The following KIAA0586 variants were observed in gnomAD, a reference collection of about 807,000 sequenced individuals.
KIAA0586 encodes KIAA0586.
A neutral mutation model predicts 169.8 loss-of-function variants in KIAA0586; 144 were observed. The ratio of observed to expected loss-of-function variants is 0.85; its 90% CI spans 0.74 to 0.97. The LOEUF is 0.97. Among genes scored for constraint, KIAA0586 ranks in the 50% least tolerant of loss-of-function variants. KIAA0586 has a pLI of 0.00. For missense variants in KIAA0586, 1,854 were observed against 1,823.0 expected (o/e 1.02, Z -0.31); for synonymous variants, 625 against 612.4 (o/e 1.02, Z -0.30).
intron 29 of KIAA0586, among the ~76,000 whole-genome samples, chr14:58,526,175 C>G (rs2045571417): frequency 6.6e-6 from 1 of 152,224 alleles, no homozygotes; most frequent in African/African-American, 2.4e-5. Flanking sequence ...CTGAAGAGAG[C>G]AGCAAATCTC....
At chr14:58,518,943 C>G (rs2044975079) in intron 29 of KIAA0586, among the ~76,000 whole-genome samples, 1 of 152,190 alleles carries the variant, frequency 6.6e-6, no homozygotes, top group South Asian at 2.1e-4. Context: ...ACCAGCCTGG[C>G]CAACATGGCA....
chr14:58,557,118 T>C, the KIAA0586 span, among the ~76,000 whole-genome samples: 26 of 152,360 alleles, frequency 1.7e-4, no homozygotes, highest in Middle Eastern at 3.4e-3. Flanking sequence ...AATTCTACTG[T>C]TGATGGACAT....
In KIAA0586 at chr14:58,512,600, T is replaced by A; in HGVS notation, c.4402T>A (p.Ser1468Thr). The A allele has an allele frequency of 6.6e-7, 1 of 1,525,492 alleles. No homozygotes were observed. Among genetic ancestry groups the A allele is most frequent in the Non-Finnish European group, 8.8e-7 (1 of 1,142,498 alleles). 94.5% of individuals were successfully genotyped at this position (1,525,492 alleles called of 1,614,324 possible). A position where few individuals can be genotyped will look rare whatever the true frequency, so the allele number is the denominator to read the frequency against. ...SQSYLRVRNKSDIAPSQQQVS... is the reference protein window; with the variant it reads ...SQSYLRVRNKTDIAPSQQQVS... ...AAGTTACCTACGTGTTAGAAATAAATCTGATATTGCACCTTCACAGCAACA... is the reference window on the plus strand; with the variant it reads ...AAGTTACCTACGTGTTAGAAATAAAACTGATATTGCACCTTCACAGCAACA... The change falls in exon 29 of 31, where the codon TCT becomes ACT. Residue 1468 changes from serine to threonine, a missense_variant. Ser to Thr is a moderately conservative substitution (Grantham distance 58). Transcript: ENST00000652326.
Position 58,428,175 on chromosome 14 carries a change from C to A in KIAA0586, c.-90C>A. 1.3e-6 allele frequency: 2 copies of A among 1,505,934 alleles called. No homozygotes were observed. Among genetic ancestry groups the A allele is most frequent in the South Asian group, 1.3e-5 (1 of 76,078 alleles). 93.3% of individuals were successfully genotyped at this position (1,505,934 alleles called of 1,614,324 possible). ...TTCGACATTTTAAAAACAGTTATTGCAAAGAGGTGAAAATTTTGTTCTGAA... is the reference window on the plus strand; with the variant it reads ...TTCGACATTTTAAAAACAGTTATTGAAAAGAGGTGAAAATTTTGTTCTGAA... On this transcript the variant is annotated 5_prime_UTR_variant, in exon 1 of 31. Coordinates refer to ENST00000652326, the MANE Select transcript of KIAA0586 (RefSeq NM_001329943.3).
intron 27 of KIAA0586, among the ~76,000 whole-genome samples, chr14:58,503,084 A>G (rs965359164): frequency 8.6e-5 from 13 of 152,026 alleles, no homozygotes; most frequent in Admixed American, 2.0e-4. Flanking sequence ...GTCTTGGGAA[A>G]CCTAAAATGT....
chr14:58,435,880 T>G (rs1238561828), intron 4 of KIAA0586, among the ~76,000 whole-genome samples: 2 of 152,162 alleles, frequency 1.3e-5, no homozygotes, highest in Non-Finnish European at 2.9e-5. Flanking sequence ...GCTGATTTTT[T>G]GTATTTTTAG....
intron 29 of KIAA0586, among the ~76,000 whole-genome samples, chr14:58,534,661 G>GA (rs201912434): frequency 4.8e-4 from 72 of 149,806 alleles, no homozygotes; most frequent in East Asian, 1.6e-3. Flanking sequence ...AAGGTTTTAG[G>GA]AAAAAAAAAT....
At chr14:58,475,898 G>A (rs1245858067) in intron 19 of KIAA0586, among the ~76,000 whole-genome samples, 1 of 151,982 alleles carries the variant, frequency 6.6e-6, no homozygotes, top group Non-Finnish European at 1.5e-5. Context: ...TCAGGAGTTC[G>A]AGACCAGCCT....
chr14:58,513,270 T>A (rs2044521030), intron 29 of KIAA0586, among the ~76,000 whole-genome samples: 2 of 152,076 alleles, frequency 1.3e-5, no homozygotes, highest in African/African-American at 4.8e-5. Flanking sequence ...ATCTCTTCTG[T>A]TTAAAAACTT....
At chr14:58,556,611 C>T in the KIAA0586 span, among the ~76,000 whole-genome samples, 1 of 152,176 alleles carries the variant, frequency 6.6e-6, no homozygotes. Flanking sequence ...ATTCTGACTT[C>T]TATCACCATC....
At chr14:58,431,976 A>G (rs557749531) in intron 3 of KIAA0586, among the ~76,000 whole-genome samples, 21 of 152,104 alleles carry the variant, frequency 1.4e-4, no homozygotes, top group Non-Finnish European at 2.8e-4. Context: ...TTTTGTAGGA[A>G]TCTTTAGGGT....
intron 29 of KIAA0586, among the ~76,000 whole-genome samples, chr14:58,529,679 A>G (rs1444335497): frequency 2.6e-5 from 4 of 152,192 alleles, no homozygotes; most frequent in Admixed American, 6.5e-5. Flanking sequence ...GAAACTCTCA[A>G]TAAACTATCT....
intron 22 of KIAA0586, among the ~76,000 whole-genome samples, 179 bp from the exon 23 acceptor site, chr14:58,487,708 C>T (rs1488832123): frequency 6.6e-6 from 1 of 151,980 alleles, no homozygotes; most frequent in Non-Finnish European, 1.5e-5. Flanking sequence ...TAACGCTTCA[C>T]TAAATTTAGG....
chr14:58,484,898 A>ATATATATATATATTTT (rs2042291395), intron 21 of KIAA0586, among the ~76,000 whole-genome samples: 3 of 4,892 alleles, frequency 6.1e-4, no homozygotes, highest in Non-Finnish European at 8.4e-4. Flanking sequence ...ATTTATATAT[A>ATATATATATATATTTT]TATATATATA....
At position 58,479,364 on chromosome 14, in the gene KIAA0586, C is replaced by T. The variant is rs148616252; in HGVS notation, c.2944+2123C>T. On this transcript the variant is annotated intron_variant, in intron 20 of 30. Coordinates refer to ENST00000652326, the MANE Select transcript of KIAA0586 (RefSeq NM_001329943.3). ...TAAATCATTTGACCATTTTTAAGTT[C>T]GAGTCGTGTCTTCATATTACTGAGT... Among the ~76,000 whole-genome samples, 32 of 152,188 alleles carry T rather than the reference C, an allele frequency of 2.1e-4. 1 individual carries two copies. The highest frequency in any genetic ancestry group is 1.8e-3 in the Admixed American group (28 of 15,282).
intron 29 of KIAA0586, chr14:58,521,158 CTG>C (rs750969432): frequency 1.5e-4 from 90 of 610,164 alleles, no homozygotes; most frequent in Non-Finnish European, 8.5e-5. Context: ...CTGCTCACTT[CTG>C]TGAGATTTTT....
chr14:58,530,902 G>A (rs2045915669), intron 29 of KIAA0586, among the ~76,000 whole-genome samples: 1 of 152,108 alleles, frequency 6.6e-6, no homozygotes, highest in Non-Finnish European at 1.5e-5. Context: ...AGATGAACAG[G>A]CAACCTACAG....
Position 58,458,494 on chromosome 14 carries a change from G to T in KIAA0586, c.1605G>T (p.Arg535Ser). ...STNREMSEKI[R>S]IRKTVDEWIK... Reference sequence around the variant, plus strand: ...ATAGAGAGATGTCAGAGAAAATTAGGATCAGAAAGACAGTGGATGAATGGA... The same window carrying T: ...ATAGAGAGATGTCAGAGAAAATTAGTATCAGAAAGACAGTGGATGAATGGA... Residue 535 changes from arginine to serine, a missense_variant, in exon 12 of 31, where the codon AGG (arginine) becomes AGT (serine). Coordinates refer to ENST00000652326, the MANE Select transcript of KIAA0586 (RefSeq NM_001329943.3). 2 of 1,543,104 alleles carry T rather than the reference G, an allele frequency of 1.3e-6. No homozygotes were observed. Among genetic ancestry groups the T allele is most frequent in the Non-Finnish European group, 1.8e-6 (2 of 1,140,496 alleles).
chr14:58,473,293 C>A (rs1302038227), intron 18 of KIAA0586, among the ~76,000 whole-genome samples: 1 of 152,000 alleles, frequency 6.6e-6, no homozygotes, highest in Non-Finnish European at 1.5e-5. Context: ...CTAGATGAGA[C>A]AAGATTGACC....
Sources: gnomAD v4.1 joint callset for allele counts (sites outside exome capture counted in the v4.1 genomes callset) on GRCh38, gnomAD v4.1.1 for gene constraint, MANE v1.5 for transcripts, NCBI Gene and HGNC (gene_info 2026-07-23, HGNC 2026-07-21) for gene names.